TNFAIP2: variants seen among roughly 807,000 people sequenced by gnomAD.
TNFAIP2 encodes tumor necrosis factor alpha-induced protein 2.
TNFAIP2 carries 47 observed loss-of-function variants against 63.5 expected under a neutral mutation model. That is an observed-to-expected ratio of 0.74 (90% CI 0.59 to 0.94). TNFAIP2 has a LOEUF of 0.94. Among genes scored for constraint, TNFAIP2 ranks in the 40% least tolerant of loss-of-function variants. TNFAIP2 has a pLI of 0.00. For missense variants in TNFAIP2, 787 were observed against 850.2 expected (o/e 0.93, Z 0.92); for synonymous variants, 405 against 390.2 (o/e 1.04, Z -0.45).
chr14:103,126,722 C>T, intron 2 of TNFAIP2, 30 bp downstream of exon 2: 3 of 1,550,678 alleles, frequency 1.9e-6, no homozygotes, highest in Non-Finnish European at 2.6e-6. Flanking sequence ...TAGAGCTAGT[C>T]TGGGGCCTGG....
At chr14:103,133,335 C>CA in intron 9 of TNFAIP2, 27 bp from the exon 10 acceptor site, 3 of 1,607,182 alleles carry the variant, frequency 1.9e-6, no homozygotes, top group Non-Finnish European at 2.5e-6. Flanking sequence ...AGACAGCTCA[C>CA]ACGCCCCTGG....
chr14:103,127,212 C>G lies in TNFAIP2; in HGVS notation c.443C>G (p.Pro148Arg). The G allele has an allele frequency of 9.0e-7, 1 of 1,108,716 alleles. No homozygotes were observed. The highest frequency in any genetic ancestry group is 2.4e-5 in the South Asian group (1 of 41,640). 68.7% of individuals were successfully genotyped at this position (1,108,716 alleles called of 1,614,324 possible). ...GVLRRPLEAP[P>R]ERLRQALAVV... is the part of the protein sequence containing the mutation. ...CTGCGGCGGCCGCTGGAGGCGCCGC[C>G]CGAGCGGCTGCGCCAGGCGCTGGCC... Residue 148 changes from proline to arginine, a missense_variant, in exon 3 of 12, where the codon CCC becomes CGC. Pro to Arg is a moderately radical substitution (Grantham distance 103). Transcript: ENST00000560869. This position sits in a 1 kb window ranked among gnomAD's most constrained non-coding sequence, Gnocchi z 5.1.
In TNFAIP2 at chr14:103,133,585, G is replaced by T. The variant is rs1302204392; in HGVS notation, c.1701+68G>T. The T allele has an allele frequency of 4.4e-6, 7 of 1,584,956 alleles. No individual in the cohort carries two copies. In the East Asian group the frequency reaches 1.6e-4, roughly 36 times the overall value. ...GCCTCTTCTCCCCTAGCCCTTTCAG[G>T]GTCGGAGATAGGCCGCTGGTGCCTC... On this transcript the variant is annotated intron_variant, in intron 10 of 11. Transcript: ENST00000560869.
Position 103,135,724 on chromosome 14 carries a change from G to A in TNFAIP2, c.*364G>A. 1.6e-6 allele frequency: 2 copies of A among 1,257,602 alleles called. No individual in the cohort carries two copies. The highest frequency in any genetic ancestry group is 2.0e-6 in the Non-Finnish European group (2 of 979,604). The allele number at this position is 1,257,602 out of a possible 1,614,324, so 77.9% of individuals were successfully genotyped here. A position where few individuals can be genotyped will look rare whatever the true frequency, so the allele number is the denominator to read the frequency against. On this transcript the variant is annotated 3_prime_UTR_variant, in exon 12 of 12. Coordinates refer to ENST00000560869, the MANE Select transcript of TNFAIP2 (RefSeq NM_006291.4). This position sits in a 1 kb window ranked among gnomAD's most constrained non-coding sequence, Gnocchi z 7.6. ...AGAGCCCCTCCACAGTCGGCCTCAT[G>A]ACTGTCCTCCTCGTGGGTGGGGCCG...
chr14:103,127,765 A>G lies in TNFAIP2; in HGVS notation c.860+136A>G. Reference sequence around the variant, plus strand: ...TGCAGAGTTTTGGGTCCGAGAATGCAGGGGTGGGACTTGGACTCCCTGGGG... The same window carrying G: ...TGCAGAGTTTTGGGTCCGAGAATGCGGGGGTGGGACTTGGACTCCCTGGGG... On this transcript the variant is annotated intron_variant, in intron 3 of 11. Coordinates refer to ENST00000560869, the MANE Select transcript of TNFAIP2 (RefSeq NM_006291.4). This position sits in a 1 kb window ranked among gnomAD's most constrained non-coding sequence, Gnocchi z 5.1. 1 of 1,054,094 alleles carries G rather than the reference A, an allele frequency of 9.5e-7. No individual in the cohort carries two copies. The highest frequency in any genetic ancestry group is 2.1e-5 in the South Asian group (1 of 47,746). 65.3% of individuals were successfully genotyped at this position (1,054,094 alleles called of 1,614,324 possible).
At chr14:103,128,885 A>G (rs2087913856) in intron 3 of TNFAIP2, among the ~76,000 whole-genome samples, 2 of 152,202 alleles carry the variant, frequency 1.3e-5, no homozygotes, top group South Asian at 4.1e-4. Flanking sequence ...AGGCAACTAA[A>G]GCCAAGCTGG....
intron 8 of TNFAIP2, 146 bp from the exon 9 acceptor site, chr14:103,132,604 G>T (rs1018104004): frequency 1.6e-6 from 2 of 1,252,200 alleles, no homozygotes; most frequent in Non-Finnish European, 2.2e-6. Flanking sequence ...AGGTTGGCCC[G>T]GGTTCCCTGG....
intron 11 of TNFAIP2, among the ~76,000 whole-genome samples, chr14:103,134,858 A>G (rs1484398219): frequency 6.6e-6 from 1 of 152,256 alleles, no homozygotes; most frequent in Non-Finnish European, 1.5e-5. Context: ...ACAGACAATT[A>G]CAAGTTGTAA....
chr14:103,135,110 TG>T lies in TNFAIP2; in HGVS notation c.1824-106del. The T allele has an allele frequency of 7.1e-7, 1 of 1,398,880 alleles. No homozygotes were observed. Among genetic ancestry groups the T allele is most frequent in the Non-Finnish European group, 1.0e-6 (1 of 992,952 alleles). The allele number at this position is 1,398,880 out of a possible 1,614,324, so 86.7% of individuals were successfully genotyped here. A position where few individuals can be genotyped will look rare whatever the true frequency, so the allele number is the denominator to read the frequency against. On this transcript the variant is annotated intron_variant, in intron 11 of 11. Coordinates refer to ENST00000560869, the MANE Select transcript of TNFAIP2 (RefSeq NM_006291.4). This position sits in a 1 kb window ranked among gnomAD's most constrained non-coding sequence, Gnocchi z 7.6. ...GGGAGAGTGAAGTGCAGCCCCCTCG[TG>T]GGCCGGGCGTTGGCTGTCGGGCCCT...
intron 11 of TNFAIP2, among the ~76,000 whole-genome samples, chr14:103,134,960 G>T (rs891140068): frequency 6.6e-6 from 1 of 152,234 alleles, no homozygotes; most frequent in Non-Finnish European, 1.5e-5. Flanking sequence ...GGAGACCTAA[G>T]GGGTGGGAAG....
At chr14:103,129,137 T>C (rs2087919133) in intron 3 of TNFAIP2, among the ~76,000 whole-genome samples, 1 of 152,082 alleles carries the variant, frequency 6.6e-6, no homozygotes, top group Admixed American at 6.5e-5. Flanking sequence ...GTGGAGCAGT[T>C]TGGGGCAGCC....
chr14:103,134,044 T>G (rs2088045831), intron 11 of TNFAIP2, among the ~76,000 whole-genome samples: 1 of 152,228 alleles, frequency 6.6e-6, no homozygotes, highest in Non-Finnish European at 1.5e-5. Context: ...GGCTAGTTAG[T>G]GTCTGGCTGC....
Position 103,123,506 on chromosome 14 carries a change from C to A in TNFAIP2, c.-594C>A, listed in dbSNP as rs890400506. The A allele has an allele frequency of 1.3e-5, 2 of 152,070 alleles. No homozygotes were observed. The highest frequency in any genetic ancestry group is 4.8e-5 in the African/African-American group (2 of 41,366). 9.4% of individuals were successfully genotyped at this position (152,070 alleles called of 1,614,324 possible). On this transcript the variant is annotated 5_prime_UTR_variant, in exon 1 of 12. Coordinates refer to ENST00000560869, the MANE Select transcript of TNFAIP2 (RefSeq NM_006291.4). The stretch of plus-strand genomic sequence containing the variant: ...ACGGTAAGTGACCTCCGCTTCCACA[C>A]GTCCATTCCCCGCCGCTCCGCGCGG...
At chr14:103,129,680 G>A (rs921655578) in intron 3 of TNFAIP2, 60 bp from the exon 4 acceptor site, 1 of 1,515,122 alleles carries the variant, frequency 6.6e-7, no homozygotes, top group Non-Finnish European at 9.1e-7. Flanking sequence ...CTGGGCTCTA[G>A]CTTGAGTGGT....
chr14:103,127,233 T>C lies in TNFAIP2; in HGVS notation c.464T>C (p.Leu155Pro). The C allele has an allele frequency of 9.3e-7, 1 of 1,074,108 alleles. No individual in the cohort carries two copies. Among genetic ancestry groups the C allele is most frequent in the Non-Finnish European group, 1.1e-6 (1 of 886,306 alleles). 66.5% of individuals were successfully genotyped at this position (1,074,108 alleles called of 1,614,324 possible). Residue 155 changes from leucine to proline, a missense_variant, in exon 3 of 12, where the codon CTG (leucine) becomes CCG (proline). Physicochemically the swap from Leu to Pro is moderately conservative, Grantham distance 98. This residue lies in a region of TNFAIP2 where 258 missense variants were observed against 228.9 expected (regional missense o/e 1.13). Transcript: ENST00000560869. The surrounding 1 kb of genome is among the most constrained non-coding windows in gnomAD (Gnocchi z 5.1). ...EAPPERLRQALAVVAEQERED... is the reference protein window; with the variant it reads ...EAPPERLRQAPAVVAEQERED... Reference sequence around the variant, plus strand: ...CCGCCCGAGCGGCTGCGCCAGGCGCTGGCCGTGGTGGCGGAGCAGGAGCGC... The same window carrying C: ...CCGCCCGAGCGGCTGCGCCAGGCGCCGGCCGTGGTGGCGGAGCAGGAGCGC...
At chr14:103,122,796 A>G (rs1428860166), upstream of TNFAIP2, 1 of 453,908 alleles carries the variant, frequency 2.2e-6, no homozygotes, top group Non-Finnish European at 4.4e-6. Context: ...TGGGAGTCCC[A>G]TAGGCCTGGC....
intron 3 of TNFAIP2, among the ~76,000 whole-genome samples, chr14:103,128,943 T>C (rs1474115126): frequency 6.6e-6 from 1 of 152,214 alleles, no homozygotes; most frequent in African/African-American, 2.4e-5. Context: ...CGTTGAAGCC[T>C]GTGTGCCAGA....
Position 103,130,071 on chromosome 14 carries a change from C to G in TNFAIP2, c.1045C>G (p.Pro349Ala). The G allele has an allele frequency of 6.2e-7, 1 of 1,613,424 alleles. No homozygotes were observed. The highest frequency in any genetic ancestry group is 2.2e-5 in the East Asian group (1 of 44,866). ...ACGGCGCTGGGCTGAGGATGTGCCT[C>G]CCCAGAGGCTGGACGGCCACTGCCA... The part of the protein sequence containing the change: ...EARRWAEDVP[P>A]QRLDGHCHSE... Residue 349 changes from proline to alanine, a missense_variant, in exon 5 of 12, where the codon CCC becomes GCC. Pro to Ala is a conservative substitution (Grantham distance 27, BLOSUM62 -1). Around this residue, in one of 3 missense-constraint regions of TNFAIP2, gnomAD observed 523 missense variants for 604.1 expected, o/e 0.87. Coordinates refer to ENST00000560869, the MANE Select transcript of TNFAIP2 (RefSeq NM_006291.4).
At chr14:103,132,677 G>A (rs2088001707) in intron 8 of TNFAIP2, 73 bp from the exon 9 acceptor site, 1 of 1,501,764 alleles carries the variant, frequency 6.7e-7, no homozygotes, top group East Asian at 2.3e-5. Context: ...CTGTGTCTGC[G>A]TGTCTGCGTG....
Sources: gnomAD v4.1 joint callset for allele counts (sites outside exome capture counted in the v4.1 genomes callset) on GRCh38, gnomAD v4.1.1 for gene constraint, gnomAD v4.1.1 regional missense constraint, Gnocchi (gnomAD v3.1) non-coding constraint, MANE v1.5 for transcripts, NCBI Gene and HGNC (gene_info 2026-07-23, HGNC 2026-07-21) for gene names.